Variants in PID1 observed in about 807,000 individuals in gnomAD.
PID1 encodes the protein PTB-containing, cubilin and LRP1-interacting protein.
In PID1, 10 loss-of-function variants were observed where a neutral mutation model predicts 19.1. The ratio of observed to expected loss-of-function variants is 0.52; its 90% CI spans 0.32 to 0.89. The LOEUF (loss-of-function observed/expected upper bound fraction) is 0.89. PID1 is among the 40% of genes least tolerant of loss of function. The pLI, the probability that PID1 is intolerant of heterozygous loss-of-function variation, is 0.03. For missense variants in PID1, 248 were observed against 285.3 expected, an observed-to-expected ratio of 0.87 and a Z score of 0.94; for synonymous variants, 130 against 116.0, an observed-to-expected ratio of 1.12 and a Z score of -0.78.
chr2:229,059,229 A>G (rs1262382125), intron 2 of PID1, among the ~76,000 whole-genome samples: 3 of 152,200 alleles, frequency 2.0e-5, no homozygotes, highest in Admixed American at 6.5e-5. Context: ...TTAAAGTTGT[A>G]CTATACATTT....
chr2:229,217,686 T>G (rs186870009), intron 1 of PID1, among the ~76,000 whole-genome samples: 1 of 152,334 alleles, frequency 6.6e-6, no homozygotes, highest in Admixed American at 6.5e-5. Context: ...ATACTCAATG[T>G]GAAATGAACA....
In PID1 at chr2:229,116,419, T is replaced by C. The variant is rs141706126; in HGVS notation, c.177+39399A>G. ...CACTCGGCAGCATCCACACATATCTTGTGTTGCTGATATGGTTTGGCTGTG... is the reference window on the plus strand; with the variant it reads ...CACTCGGCAGCATCCACACATATCTCGTGTTGCTGATATGGTTTGGCTGTG... On this transcript the variant is annotated intron_variant, in intron 2 of 2. Coordinates refer to ENST00000392055, the MANE Select transcript of PID1 (RefSeq NM_001100818.2). Among the ~76,000 whole-genome samples the C allele has an allele frequency of 4.5e-3, 678 of 152,146 alleles. 4 individuals carry two copies. Among genetic ancestry groups the C allele is most frequent in the Middle Eastern group, 0.01 (3 of 294 alleles).
intron 2 of PID1, among the ~76,000 whole-genome samples, chr2:229,127,634 G>C (rs552130971): frequency 2.0e-5 from 3 of 152,278 alleles, no homozygotes; most frequent in Admixed American, 1.3e-4. Context: ...GCCTTCCCAT[G>C]AATCAGAGGT....
intron 1 of PID1, among the ~76,000 whole-genome samples, chr2:229,227,676 T>C (rs1005744947): frequency 5.3e-5 from 8 of 152,180 alleles, no homozygotes; most frequent in African/African-American, 1.9e-4. Context: ...TGCACCTTGC[T>C]CTTTCTTCAT....
At chr2:229,086,375 A>C (rs1694767274) in intron 2 of PID1, among the ~76,000 whole-genome samples, 1 of 152,134 alleles carries the variant, frequency 6.6e-6, no homozygotes, top group Admixed American at 6.6e-5. Context: ...TTTATAATAA[A>C]CTGCTGCATA....
chr2:229,261,509 C>T (rs554783988), intron 1 of PID1, among the ~76,000 whole-genome samples: 16 of 152,272 alleles, frequency 1.1e-4, no homozygotes, highest in African/African-American at 2.9e-4. Context: ...CCATTCCTGA[C>T]GTGAAACCAT....
At chr2:229,170,642 A>T (rs931339268) in intron 1 of PID1, among the ~76,000 whole-genome samples, 2 of 151,410 alleles carry the variant, frequency 1.3e-5, no homozygotes, top group East Asian at 1.9e-4. Flanking sequence ...CTACCAATTT[A>T]AAAAAAATGT....
chr2:229,217,719 A>T (rs533597733), intron 1 of PID1, among the ~76,000 whole-genome samples: 2 of 152,356 alleles, frequency 1.3e-5, no homozygotes, highest in South Asian at 4.1e-4. Context: ...CAAGTTCCTC[A>T]TGGTAAAAAG....
intron 2 of PID1, among the ~76,000 whole-genome samples, chr2:229,094,528 G>A (rs930061081): frequency 6.6e-6 from 1 of 152,028 alleles, no homozygotes; most frequent in Non-Finnish European, 1.5e-5. Context: ...CACATTGCCT[G>A]ACTTCGAATT....
At chr2:229,136,686 T>C (rs1017112594) in intron 2 of PID1, among the ~76,000 whole-genome samples, 1 of 152,212 alleles carries the variant, frequency 6.6e-6, no homozygotes, top group Non-Finnish European at 1.5e-5. Flanking sequence ...TTGATTTCAA[T>C]CTATTGACTA....
At chr2:229,070,374 T>A (rs1694427169) in intron 2 of PID1, among the ~76,000 whole-genome samples, 1 of 152,174 alleles carries the variant, frequency 6.6e-6, no homozygotes, top group Admixed American at 6.5e-5. Context: ...AATCTCTGTA[T>A]CAAAGGCTCT....
intron 2 of PID1, among the ~76,000 whole-genome samples, chr2:229,139,595 C>T (rs1689969215): frequency 2.0e-5 from 3 of 152,102 alleles, no homozygotes; most frequent in Non-Finnish European, 4.4e-5. Context: ...GTCACTTTTC[C>T]TTTCTACAAA....
At chr2:229,148,153 T>A (rs1222099226) in intron 2 of PID1, among the ~76,000 whole-genome samples, 3 of 152,162 alleles carry the variant, frequency 2.0e-5, no homozygotes, top group Admixed American at 6.5e-5. Context: ...TTTTAGTCAA[T>A]AAATAACAAA....
chr2:229,148,653 A>G (rs1043580040), intron 2 of PID1, among the ~76,000 whole-genome samples: 1 of 151,838 alleles, frequency 6.6e-6, no homozygotes, highest in Non-Finnish European at 1.5e-5. Context: ...ATTCTTGTGG[A>G]TGTAGAATGA....
chr2:229,206,183 G>C (rs1393493721), intron 1 of PID1, among the ~76,000 whole-genome samples: 1 of 151,670 alleles, frequency 6.6e-6, no homozygotes, highest in African/African-American at 2.4e-5. Context: ...GCCACACTCT[G>C]GGAACATTCC....
At chr2:229,065,175 T>G (rs1326998560) in intron 2 of PID1, among the ~76,000 whole-genome samples, 2 of 152,216 alleles carry the variant, frequency 1.3e-5, no homozygotes. Flanking sequence ...GCTTTCACTT[T>G]AAACTATTCA....
intron 1 of PID1, among the ~76,000 whole-genome samples, chr2:229,179,145 C>T (rs1690887172): frequency 6.6e-6 from 1 of 152,140 alleles, no homozygotes; most frequent in African/African-American, 2.4e-5. Context: ...GATCTCAATT[C>T]TGTGTCTCCT....
chr2:229,089,401 A>G lies in PID1; in HGVS notation c.178-63293T>C, dbSNP rs543554353. Among the ~76,000 whole-genome samples, 26 of 152,318 alleles carry G rather than the reference A, an allele frequency of 1.7e-4. No homozygotes were observed. In the South Asian group the frequency reaches 5.2e-3, roughly 30 times the overall value. On this transcript the variant is annotated intron_variant, in intron 2 of 2. Transcript: ENST00000392055. The stretch of plus-strand genomic sequence containing the variant: ...TGAGTTTAATCTCTACTGAGATTTT[A>G]GTTGTATCAACCTTGAATAGACTAG...
chr2:229,253,494 C>T (rs373206772), intron 1 of PID1, among the ~76,000 whole-genome samples: 1 of 151,528 alleles, frequency 6.6e-6, no homozygotes, highest in African/African-American at 2.4e-5. Context: ...TGGGCCAGAA[C>T]CTGGAAGCTG....
Sources: allele counts gnomAD v4.1 joint callset (sites outside exome capture counted in the v4.1 genomes callset), GRCh38; gene constraint gnomAD v4.1.1; transcripts MANE v1.5; gene names NCBI Gene and HGNC (gene_info 2026-07-23, HGNC 2026-07-21).